Variants in SPATA31H1 observed in about 807,000 individuals in gnomAD.
The protein encoded by SPATA31H1 is spermatogenesis-associated protein 31H1.
At chr2:27,565,242 C>A in the SPATA31H1 span, 5 of 670,146 alleles carry the variant, frequency 7.5e-6, no homozygotes, top group East Asian at 1.4e-4. Flanking sequence ...TGAGATGTAT[C>A]AATATCTGAT....
chr2:27,582,661 G>A, the SPATA31H1 span: 2 of 850,146 alleles, frequency 2.4e-6, no homozygotes, highest in South Asian at 1.8e-5. Context: ...TCTCTACCGG[G>A]GGGGAGGCGG....
chr2:27,579,824 G>C, the SPATA31H1 span: 1 of 1,614,218 alleles, frequency 6.2e-7, no homozygotes, highest in Non-Finnish European at 8.5e-7. Flanking sequence ...AACAGTTCCA[G>C]TTGCTAGAAG....
chr2:27,571,544 GA>G, the SPATA31H1 span: 1 of 398,340 alleles, frequency 2.5e-6, no homozygotes, highest in Non-Finnish European at 4.4e-6. Context: ...TGCAAGATAT[GA>G]AAACTGCTAA....
the SPATA31H1 span, chr2:27,569,267 G>C: frequency 2.5e-6 from 1 of 398,970 alleles, no homozygotes. Context: ...CCCATGATAT[G>C]AAGTTTGTTT....
chr2:27,539,756 C>CT, the SPATA31H1 span, among the ~76,000 whole-genome samples: 1 of 56,802 alleles, frequency 1.8e-5, no homozygotes, highest in African/African-American at 8.5e-5. Flanking sequence ...CTGACCCCCC[C>CT]CGCCCCCGGA....
the SPATA31H1 span, among the ~76,000 whole-genome samples, chr2:27,551,666 C>T: frequency 1.3e-5 from 2 of 152,032 alleles, no homozygotes; most frequent in Non-Finnish European, 2.9e-5. Flanking sequence ...GGCAGAATAC[C>T]TTCCTCTTCA....
At chr2:27,538,333 G>GT in the SPATA31H1 span, among the ~76,000 whole-genome samples, 2 of 152,278 alleles carry the variant, frequency 1.3e-5, no homozygotes, top group African/African-American at 4.8e-5. Context: ...TTCTGATGTA[G>GT]TAAGTCTGGG....
the SPATA31H1 span, chr2:27,568,706 C>A: frequency 2.3e-3 from 937 of 398,878 alleles, 8 homozygotes; most frequent in African/African-American, 0.018. Context: ...CATGGTTACA[C>A]GATGTCAGAT....
At chr2:27,539,753 C>G in the SPATA31H1 span, among the ~76,000 whole-genome samples, 2 of 58,674 alleles carry the variant, frequency 3.4e-5, no homozygotes, top group Non-Finnish European at 6.0e-5. Context: ...GGGCTGACCC[C>G]CCCCGCCCCC....
At chr2:27,582,083 C>G in the SPATA31H1 span, 3 of 1,612,892 alleles carry the variant, frequency 1.9e-6, no homozygotes, top group Non-Finnish European at 2.5e-6. Context: ...TTGAGAGGAG[C>G]CATCGTAGGA....
chr2:27,538,845 A>G, the SPATA31H1 span, among the ~76,000 whole-genome samples: 1 of 151,930 alleles, frequency 6.6e-6, no homozygotes, highest in African/African-American at 2.4e-5. Context: ...AAAAAAAGGA[A>G]AAGAGAACAT....
chr2:27,552,339 T>A, the SPATA31H1 span, among the ~76,000 whole-genome samples: 9 of 152,012 alleles, frequency 5.9e-5, no homozygotes, highest in Non-Finnish European at 1.2e-4. Context: ...CACCATTTGT[T>A]GAAGAGACTA....
the SPATA31H1 span, among the ~76,000 whole-genome samples, chr2:27,563,385 C>CTT: frequency 0.067 from 4,610 of 68,644 alleles, 1,582 homozygotes; most frequent in African/African-American, 0.18. Flanking sequence ...TCTTCTACTT[C>CTT]TTTTTTTTTT....
the SPATA31H1 span, among the ~76,000 whole-genome samples, chr2:27,560,283 A>G: frequency 1.3e-5 from 2 of 151,944 alleles, no homozygotes; most frequent in East Asian, 3.9e-4. Context: ...AATAGTTAAC[A>G]CTTCTGAAAT....
chr2:27,580,478 G>A, the SPATA31H1 span: 1 of 1,614,172 alleles, frequency 6.2e-7, no homozygotes, highest in Non-Finnish European at 8.5e-7. Flanking sequence ...AACACAGAAA[G>A]TTCTACACAA....
chr2:27,570,532 C>T, the SPATA31H1 span: 5 of 398,750 alleles, frequency 1.3e-5, no homozygotes, highest in African/African-American at 1.0e-4. Flanking sequence ...AAGATATTTC[C>T]AGGAACTCAA....
chr2:27,565,512 G>A, the SPATA31H1 span: 333 of 676,260 alleles, frequency 4.9e-4, 4 homozygotes, highest in South Asian at 1.4e-3. Flanking sequence ...GAAGAAGTGT[G>A]CCTCTTCTTT....
At chr2:27,539,996 G>GCGGCTGGC in the SPATA31H1 span, among the ~76,000 whole-genome samples, 1 of 134,714 alleles carries the variant, frequency 7.4e-6, no homozygotes, top group Non-Finnish European at 1.6e-5. Context: ...CCCGGACTGG[G>GCGGCTGGC]CGGCTGGCCG....
the SPATA31H1 span, chr2:27,579,632 AG>A: frequency 1.2e-6 from 2 of 1,614,188 alleles, no homozygotes; most frequent in Non-Finnish European, 1.7e-6. Flanking sequence ...TCTCATGTGC[AG>A]GGGGCCAGCT....
Sources: gnomAD v4.1 joint callset for allele counts (sites outside exome capture counted in the v4.1 genomes callset) on GRCh38, gnomAD v4.1.1 for gene constraint, MANE v1.5 for transcripts, NCBI Gene and HGNC (gene_info 2026-07-23, HGNC 2026-07-21) for gene names.